Variants in COMMD10 observed in about 807,000 individuals in gnomAD.
COMMD10 encodes the protein COMM domain-containing protein 10.
COMMD10 carries 33 observed loss-of-function variants against 28.9 expected under a neutral mutation model. That is an observed-to-expected ratio of 1.14 (90% confidence interval 0.87 to 1.53). The LOEUF (loss-of-function observed/expected upper bound fraction) is 1.53. Ranked by LOEUF, COMMD10 falls within the 40% of genes most tolerant of loss-of-function variation. The pLI is 0.00. For missense variants in COMMD10, 310 were observed against 233.4 expected, an observed-to-expected ratio of 1.33 and a Z score of -2.14; for synonymous variants, 110 against 81.7, an observed-to-expected ratio of 1.35 and a Z score of -1.87.
intron 5 of COMMD10, among the ~76,000 whole-genome samples, chr5:116,161,715 C>T (rs1404754449): frequency 6.6e-6 from 1 of 152,128 alleles, no homozygotes; most frequent in Non-Finnish European, 1.5e-5. Flanking sequence ...TCATAAAGAT[C>T]TTCATCCTCA....
intron 5 of COMMD10, among the ~76,000 whole-genome samples, chr5:116,220,221 A>C (rs573628843): frequency 6.6e-6 from 1 of 152,328 alleles, no homozygotes; most frequent in African/African-American, 2.4e-5. Context: ...GAGCAAAATC[A>C]GGCATAAAGT....
chr5:116,245,832 A>G (rs1488043739), intron 5 of COMMD10, among the ~76,000 whole-genome samples: 1 of 152,088 alleles, frequency 6.6e-6, no homozygotes, highest in Non-Finnish European at 1.5e-5. Context: ...TTGAAGGAAC[A>G]TACTTCAAAA....
chr5:116,266,209 A>G (rs1347833197), intron 5 of COMMD10, among the ~76,000 whole-genome samples: 2 of 151,872 alleles, frequency 1.3e-5, no homozygotes, highest in East Asian at 1.9e-4. Context: ...ATTTGACTAT[A>G]TGAAAAAGAA....
chr5:116,129,113 A>T (rs1405381342), intron 4 of COMMD10, among the ~76,000 whole-genome samples: 3 of 151,774 alleles, frequency 2.0e-5, no homozygotes, highest in Non-Finnish European at 4.4e-5. Context: ...TCTACTGATG[A>T]TTCTTACTTG....
chr5:116,220,856 T>C (rs1189109089), intron 5 of COMMD10, among the ~76,000 whole-genome samples: 1 of 152,082 alleles, frequency 6.6e-6, no homozygotes, highest in East Asian at 1.9e-4. Context: ...CCTATAAACT[T>C]ATAAAATTAA....
At chr5:116,159,754 A>G (rs1752856670) in intron 5 of COMMD10, among the ~76,000 whole-genome samples, 1 of 152,236 alleles carries the variant, frequency 6.6e-6, no homozygotes. Context: ...CACAGAGGAA[A>G]ACATCTTTGA....
At chr5:116,260,008 A>C (rs1268251034) in intron 5 of COMMD10, among the ~76,000 whole-genome samples, 1 of 151,754 alleles carries the variant, frequency 6.6e-6, no homozygotes, top group Non-Finnish European at 1.5e-5. Flanking sequence ...AGCTTCTTCA[A>C]AATTTTTGGT....
intron 5 of COMMD10, among the ~76,000 whole-genome samples, chr5:116,232,669 C>T (rs547400746): frequency 2.7e-5 from 4 of 150,846 alleles, no homozygotes; most frequent in South Asian, 2.1e-4. Flanking sequence ...CACCACTGCA[C>T]TCCAGCCTGG....
chr5:116,211,385 A>G (rs1561669267), intron 5 of COMMD10, among the ~76,000 whole-genome samples: 1 of 152,136 alleles, frequency 6.6e-6, no homozygotes, highest in East Asian at 1.9e-4. Context: ...TGTGCTGAAT[A>G]CTATAGGCAA....
At chr5:116,093,456 A>G (rs1315227661) in intron 4 of COMMD10, among the ~76,000 whole-genome samples, 4 of 152,148 alleles carry the variant, frequency 2.6e-5, no homozygotes, top group Admixed American at 2.6e-4. Context: ...AGAGATCCCT[A>G]GCTGTCCACA....
chr5:116,191,568 A>C (rs984192159), intron 5 of COMMD10, among the ~76,000 whole-genome samples: 2 of 151,516 alleles, frequency 1.3e-5, no homozygotes, highest in East Asian at 3.9e-4. Flanking sequence ...GGCAGCCATA[A>C]TCCTCCTAGG....
intron 5 of COMMD10, among the ~76,000 whole-genome samples, chr5:116,215,854 A>T (rs896342326): frequency 5.3e-5 from 8 of 149,928 alleles, no homozygotes; most frequent in African/African-American, 9.7e-5. Flanking sequence ...GTCTTCTTTT[A>T]AAAAAAAATT....
intron 4 of COMMD10, among the ~76,000 whole-genome samples, chr5:116,117,999 A>T (rs955177973): frequency 6.6e-6 from 1 of 152,050 alleles, no homozygotes; most frequent in Non-Finnish European, 1.5e-5. Flanking sequence ...AGTTCTTACA[A>T]TTGTCTTTAA....
chr5:116,227,387 CA>C (rs762756461), intron 5 of COMMD10, among the ~76,000 whole-genome samples: 2 of 151,998 alleles, frequency 1.3e-5, no homozygotes, highest in Non-Finnish European at 2.9e-5. Flanking sequence ...TCCATCAGTT[CA>C]TTTTAGATAT....
chr5:116,096,437 T>A (rs572702016), intron 4 of COMMD10, among the ~76,000 whole-genome samples: 1 of 152,156 alleles, frequency 6.6e-6, no homozygotes, highest in Non-Finnish European at 1.5e-5. Flanking sequence ...TCTATACTGA[T>A]CTCTATCCTG....
chr5:116,268,293 T>C (rs935775131), intron 5 of COMMD10, among the ~76,000 whole-genome samples: 6 of 151,648 alleles, frequency 4.0e-5, no homozygotes, highest in African/African-American at 1.2e-4. Flanking sequence ...GGGTGAAGGA[T>C]ATGAACAGAC....
intron 5 of COMMD10, among the ~76,000 whole-genome samples, chr5:116,212,617 G>A (rs1030654284): frequency 6.6e-6 from 1 of 151,232 alleles, no homozygotes; most frequent in Non-Finnish European, 1.5e-5. Flanking sequence ...TTTAAAATAA[G>A]CATGTAAGCT....
chr5:116,179,452 CA>C (rs1747869862), intron 5 of COMMD10, among the ~76,000 whole-genome samples: 1 of 152,048 alleles, frequency 6.6e-6, no homozygotes, highest in Admixed American at 6.6e-5. Context: ...CGTAAATACC[CA>C]CGAGCCTGTG....
chr5:116,272,326 C>A lies in COMMD10; in HGVS notation c.511-19191C>A, dbSNP rs144772969. 3.8e-3 allele frequency among the ~76,000 whole-genome samples: 572 copies of A among 151,896 alleles called. 3 individuals carry two copies. The highest frequency in any genetic ancestry group is 9.1e-3 in the East Asian group (47 of 5,176). ...TGTAAGGGGGATGCTTAATGGCTTC[C>A]TATTGAAACTCTTGTAAAATTGCTC... On this transcript the variant is annotated intron_variant, in intron 5 of 6. Coordinates refer to ENST00000274458, the MANE Select transcript of COMMD10 (RefSeq NM_016144.4).
Sources: gnomAD v4.1 joint callset for allele counts (sites outside exome capture counted in the v4.1 genomes callset) on GRCh38, gnomAD v4.1.1 for gene constraint, MANE v1.5 for transcripts, NCBI Gene and HGNC (gene_info 2026-07-23, HGNC 2026-07-21) for gene names.